MYO1H: variants seen among roughly 807,000 people sequenced by gnomAD.
MYO1H encodes the protein unconventional myosin-Ih.
Under a neutral mutation model 149.3 loss-of-function variants are expected in MYO1H, and 118 were observed. That is an observed-to-expected ratio of 0.79 (90% confidence interval 0.68 to 0.92). MYO1H has a LOEUF of 0.92. Ranked by LOEUF, MYO1H falls within the 40% of genes least tolerant of loss-of-function variation. The pLI, the probability that MYO1H is intolerant of heterozygous loss-of-function variation, is 0.00. For missense variants in MYO1H, 1,212 were observed against 1,280.7 expected, an observed-to-expected ratio of 0.95 and a Z score of 0.82; for synonymous variants, 447 against 465.2, an observed-to-expected ratio of 0.96 and a Z score of 0.50.
chr12:109,361,665 A>G (rs989218928), intron 1 of MYO1H, among the ~76,000 whole-genome samples: 1 of 151,980 alleles, frequency 6.6e-6, no homozygotes, highest in Admixed American at 6.6e-5. Context: ...AAAATTAGCC[A>G]GGTGAGGTGG....
chr12:109,384,698 T>A (rs1413988543), intron 1 of MYO1H, among the ~76,000 whole-genome samples: 2 of 152,224 alleles, frequency 1.3e-5, no homozygotes, highest in South Asian at 4.1e-4. Context: ...ATCATTGTCA[T>A]GTTCCTTAAT....
intron 27 of MYO1H, among the ~76,000 whole-genome samples, 159 bp from the exon 28 acceptor site, chr12:109,443,355 T>TACACACACACAC (rs10545297): frequency 1.3e-5 from 1 of 74,778 alleles, no homozygotes; most frequent in Admixed American, 1.3e-4. Flanking sequence ...TGTGTGTATA[T>TACACACACACAC]ACACACACAC....
rs376123769 is a variant in MYO1H, at chr12:109,407,923, C to G, written c.1155+10C>G. ...CTCCTTAGTTAACAAGGTTGGTCAACGCATTTTGGATCCCTTGCTCTTGCT... is the reference window on the plus strand; with the variant it reads ...CTCCTTAGTTAACAAGGTTGGTCAAGGCATTTTGGATCCCTTGCTCTTGCT... On this transcript the variant is annotated intron_variant, in intron 10 of 31. Transcript: ENST00000310903. 1.9e-6 allele frequency: 3 copies of G among 1,613,658 alleles called. No individual in the cohort carries two copies. Among genetic ancestry groups the G allele is most frequent in the Admixed American group, 1.7e-5 (1 of 59,942 alleles).
chr12:109,430,032 C>A (rs1297108340), intron 19 of MYO1H, among the ~76,000 whole-genome samples: 1 of 152,234 alleles, frequency 6.6e-6, no homozygotes, highest in Non-Finnish European at 1.5e-5. Flanking sequence ...GTGCTCCACC[C>A]TTGTGACCTG....
chr12:109,394,824 C>G (rs964404950), intron 3 of MYO1H, among the ~76,000 whole-genome samples: 1 of 152,124 alleles, frequency 6.6e-6, no homozygotes, highest in Non-Finnish European at 1.5e-5. Flanking sequence ...AGCAGTGACA[C>G]AGTAATGGAT....
chr12:109,341,078 C>T, the MYO1H span, among the ~76,000 whole-genome samples: 1 of 151,520 alleles, frequency 6.6e-6, no homozygotes, highest in Non-Finnish European at 1.5e-5. Context: ...ATCCCAGCTA[C>T]TCAGGAGGCT....
exon 19 of MYO1H, chr12:109,427,560 A>G: frequency 6.2e-7 from 1 of 1,612,438 alleles, no homozygotes; most frequent in Middle Eastern, 1.6e-4. Context: ...TTGCATACCG[A>G]AGGAAATACG....
At chr12:109,425,911 G>A in intron 17 of MYO1H, 35 bp from the exon 18 acceptor site, 1 of 1,463,416 alleles carries the variant, frequency 6.8e-7, no homozygotes, top group Non-Finnish European at 9.5e-7. Context: ...TATCTCTCTG[G>A]CTCGTTCTCT....
At chr12:109,361,631 C>A (rs115700718) in intron 1 of MYO1H, among the ~76,000 whole-genome samples, 5,773 of 151,884 alleles carry the variant, frequency 0.038, 120 homozygotes, top group Middle Eastern at 0.058. Context: ...CATGGCAAAA[C>A]CCTGTCTCTA....
intron 1 of MYO1H, among the ~76,000 whole-genome samples, chr12:109,364,171 TAAAAAA>T (rs746308903): frequency 7.0e-4 from 63 of 90,286 alleles, no homozygotes; most frequent in African/African-American, 1.6e-3. Flanking sequence ...ACCATGTCTT[TAAAAAA>T]AAAAAAAAAA....
At chr12:109,407,137 G>C (rs900537253) in intron 9 of MYO1H, among the ~76,000 whole-genome samples, 3 of 151,978 alleles carry the variant, frequency 2.0e-5, no homozygotes, top group African/African-American at 7.3e-5. Context: ...ACTGTTCCCG[G>C]TGCTTTATCT....
At chr12:109,357,786 AT>A (rs1347355318) in intron 1 of MYO1H, among the ~76,000 whole-genome samples, 1 of 87,904 alleles carries the variant, frequency 1.1e-5, no homozygotes, top group Non-Finnish European at 2.1e-5. Flanking sequence ...ATGAAATACT[AT>A]TCTCTTGATT....
chr12:109,377,491 T>C (rs1869108617), intron 1 of MYO1H, among the ~76,000 whole-genome samples: 1 of 152,116 alleles, frequency 6.6e-6, no homozygotes, highest in South Asian at 2.1e-4. Context: ...GAGGGATCCA[T>C]GGGATGGAGC....
At chr12:109,330,556 G>A in the MYO1H span, among the ~76,000 whole-genome samples, 1 of 152,096 alleles carries the variant, frequency 6.6e-6, no homozygotes, top group Non-Finnish European at 1.5e-5. Flanking sequence ...TTGTTGCCAG[G>A]TCTATTCCAG....
intron 1 of MYO1H, among the ~76,000 whole-genome samples, chr12:109,372,712 T>A (rs562826894): frequency 6.6e-6 from 1 of 152,174 alleles, no homozygotes; most frequent in African/African-American, 2.4e-5. Context: ...TTCTCATTAA[T>A]CTTTTTGTTT....
intron 30 of MYO1H, 37 bp downstream of exon 30, chr12:109,444,566 A>C: frequency 1.3e-6 from 2 of 1,517,636 alleles, no homozygotes; most frequent in Non-Finnish European, 1.8e-6. Context: ...AAGTAATTCA[A>C]TGTTAAAATG....
chr12:109,386,922 G>A (rs1435456663), intron 1 of MYO1H, among the ~76,000 whole-genome samples: 1 of 151,396 alleles, frequency 6.6e-6, no homozygotes, highest in South Asian at 2.1e-4. Flanking sequence ...TACAAAGATG[G>A]TCCCCTTGTT....
chr12:109,413,317 A>C (rs1188565473), intron 14 of MYO1H, among the ~76,000 whole-genome samples: 1 of 152,128 alleles, frequency 6.6e-6, no homozygotes, highest in Non-Finnish European at 1.5e-5. Flanking sequence ...TTTCCCTGCT[A>C]TACAAGATGG....
chr12:109,440,866 G>A, intron 25 of MYO1H, 39 bp downstream of exon 25: 1 of 1,417,224 alleles, frequency 7.1e-7, no homozygotes, highest in South Asian at 1.2e-5. Flanking sequence ...TGGTGGGGGT[G>A]GGTGTAAGAG....
Sources: gnomAD v4.1 joint callset for allele counts (sites outside exome capture counted in the v4.1 genomes callset) on GRCh38, gnomAD v4.1.1 for gene constraint, MANE v1.5 for transcripts, NCBI Gene and HGNC (gene_info 2026-07-23, HGNC 2026-07-21) for gene names.